ANO3: variants seen among roughly 807,000 people sequenced by gnomAD.
ANO3 encodes anoctamin 3.
A neutral mutation model predicts 144.8 loss-of-function variants in ANO3; 99 were observed. The observed-to-expected ratio is 0.68, with a 90% confidence interval of 0.58 to 0.81. The LOEUF (loss-of-function observed/expected upper bound fraction) is 0.81. ANO3 is among the 30% of genes least tolerant of loss of function. The pLI is 0.00. For synonymous variants in ANO3, 414 were observed against 392.6 expected (o/e 1.05, Z -0.64); for missense variants, 905 against 1,202.2 (o/e 0.75, Z 3.66).
At chr11:26,197,668 A>T (rs952189770) in intron 1 of ANO3, among the ~76,000 whole-genome samples, 3 of 152,044 alleles carry the variant, frequency 2.0e-5, no homozygotes, top group Non-Finnish European at 2.9e-5. Flanking sequence ...GTTTAATTTC[A>T]GACTTTCATC....
At chr11:26,641,251 C>A (rs1352166997) in intron 21 of ANO3, among the ~76,000 whole-genome samples, 1 of 152,136 alleles carries the variant, frequency 6.6e-6, no homozygotes, top group African/African-American at 2.4e-5. Flanking sequence ...TTGTTCACTA[C>A]AATAGCAGAA....
At chr11:26,444,746 A>T (rs1300948149) in intron 3 of ANO3, among the ~76,000 whole-genome samples, 1 of 152,150 alleles carries the variant, frequency 6.6e-6, no homozygotes, top group Non-Finnish European at 1.5e-5. Flanking sequence ...TTGTTAAATC[A>T]CTCGTCATAA....
intron 1 of ANO3, among the ~76,000 whole-genome samples, chr11:26,388,012 CTTCT>C (rs966098320): frequency 2.9e-5 from 4 of 138,796 alleles, no homozygotes; most frequent in Non-Finnish European, 4.6e-5. Flanking sequence ...TTATTTTATT[CTTCT>C]TTAATTTTTT....
intron 21 of ANO3, among the ~76,000 whole-genome samples, chr11:26,639,723 G>A (rs1001528135): frequency 1.3e-5 from 2 of 152,146 alleles, no homozygotes; most frequent in African/African-American, 4.8e-5. Context: ...TGTTAGAACA[G>A]GGATGATTGT....
At chr11:26,295,509 C>T (rs1399825641) in intron 1 of ANO3, among the ~76,000 whole-genome samples, 4 of 106,752 alleles carry the variant, frequency 3.7e-5, no homozygotes, top group African/African-American at 1.2e-4. Context: ...GAGTGAGACT[C>T]TGTCTCAAAA....
chr11:26,511,402 C>T (rs1861659015), intron 5 of ANO3, among the ~76,000 whole-genome samples: 1 of 152,048 alleles, frequency 6.6e-6, no homozygotes, highest in Non-Finnish European at 1.5e-5. Context: ...GAAGGTGCTG[C>T]AAATTAAGAA....
intron 14 of ANO3, among the ~76,000 whole-genome samples, chr11:26,580,123 A>G (rs183717365): frequency 1.6e-5 from 2 of 122,158 alleles, no homozygotes; most frequent in African/African-American, 6.1e-5. Flanking sequence ...AACATACACA[A>G]AAAGCAAAAT....
chr11:26,503,428 T>C (rs1861279552), intron 4 of ANO3, among the ~76,000 whole-genome samples: 1 of 152,110 alleles, frequency 6.6e-6, no homozygotes, highest in Non-Finnish European at 1.5e-5. Context: ...TGAACATGGG[T>C]TAATTAACAT....
intron 8 of ANO3, among the ~76,000 whole-genome samples, chr11:26,532,452 G>A (rs1849398446): frequency 6.6e-6 from 1 of 151,616 alleles, no homozygotes; most frequent in Non-Finnish European, 1.5e-5. Context: ...GAAAATATCA[G>A]CCACATCATA....
intron 18 of ANO3, among the ~76,000 whole-genome samples, chr11:26,625,053 T>C (rs1565150320): frequency 6.6e-6 from 1 of 151,832 alleles, no homozygotes; most frequent in East Asian, 1.9e-4. Context: ...GCCTCCCGAG[T>C]AGTTGGGGAC....
intron 4 of ANO3, among the ~76,000 whole-genome samples, chr11:26,465,124 T>TTGTGTGTGTGTG (rs36230269): frequency 6.2e-5 from 9 of 145,302 alleles, no homozygotes; most frequent in African/African-American, 2.3e-4. Context: ...CATCATTAAA[T>TTGTGTGTGTGTG]TGTGTGTGTG....
At chr11:26,448,469 T>C (rs1263860882) in intron 3 of ANO3, among the ~76,000 whole-genome samples, 1 of 152,212 alleles carries the variant, frequency 6.6e-6, no homozygotes, top group African/African-American at 2.4e-5. Flanking sequence ...CTGAAACATT[T>C]ATTTGCTTTC....
At chr11:26,311,534 G>C (rs1426246157) in intron 1 of ANO3, among the ~76,000 whole-genome samples, 1 of 152,192 alleles carries the variant, frequency 6.6e-6, no homozygotes, top group Non-Finnish European at 1.5e-5. Flanking sequence ...ACCTGTCCTA[G>C]AAAACATATA....
In ANO3 at chr11:26,442,077, C is replaced by T; in HGVS notation, c.206C>T (p.Ser69Phe). 1.2e-6 allele frequency: 2 copies of T among 1,614,080 alleles called. No homozygotes were observed. Among genetic ancestry groups the T allele is most frequent in the Non-Finnish European group, 1.7e-6 (2 of 1,180,008 alleles). Residue 69 changes from serine to phenylalanine, a missense_variant, in exon 2 of 27, where the codon TCT becomes TTT. By Grantham distance (155) the Ser-to-Phe change is radical. Transcript: ENST00000256737. ...GAGAGTGAATCTCAGGCTCCCACAT[C>T]TATAACCTTAATCTCCACTGACAAA... ...STESESQAPTSITLISTDKAE... is the reference protein window; with the variant it reads ...STESESQAPTFITLISTDKAE...
chr11:26,467,751 G>A (rs1859650554), intron 4 of ANO3, among the ~76,000 whole-genome samples: 1 of 151,588 alleles, frequency 6.6e-6, no homozygotes, highest in Admixed American at 6.6e-5. Context: ...ATATGGGAGT[G>A]CAGATATTTC....
At chr11:26,339,098 T>C (rs1855279303) in intron 1 of ANO3, among the ~76,000 whole-genome samples, 1 of 152,118 alleles carries the variant, frequency 6.6e-6, no homozygotes, top group African/African-American at 2.4e-5. Context: ...AGTTAACGCT[T>C]AATGAGTGAA....
chr11:26,329,317 CACACACACACAGAGAGAG>C (rs1180511750), upstream of ANO3, among the ~76,000 whole-genome samples: 13 of 73,910 alleles, frequency 1.8e-4, no homozygotes, highest in African/African-American at 4.7e-4. Flanking sequence ...CACACACACA[CACACACACACAGAGAGAG>C]AGAGAGAGAG....
At chr11:26,342,363 C>T (rs1267641755) in intron 1 of ANO3, among the ~76,000 whole-genome samples, 2 of 152,114 alleles carry the variant, frequency 1.3e-5, no homozygotes, top group South Asian at 2.1e-4. Context: ...GTGATTAACC[C>T]ATGAGGGTAG....
At chr11:26,256,359 C>T (rs1306166368) in intron 1 of ANO3, among the ~76,000 whole-genome samples, 1 of 152,104 alleles carries the variant, frequency 6.6e-6, no homozygotes, top group Non-Finnish European at 1.5e-5. Flanking sequence ...CATTCAAATG[C>T]TTGCATATTT....
Sources: allele counts gnomAD v4.1 joint callset (sites outside exome capture counted in the v4.1 genomes callset), GRCh38; gene constraint gnomAD v4.1.1; transcripts MANE v1.5; gene names NCBI Gene and HGNC (gene_info 2026-07-23, HGNC 2026-07-21).